MARCHF4: variants seen among roughly 807,000 people sequenced by gnomAD.
MARCHF4 encodes membrane associated ring-CH-type finger 4.
In MARCHF4, 14 loss-of-function variants were observed where a neutral mutation model predicts 43.9. The observed-to-expected ratio is 0.32, with a 90% CI of 0.21 to 0.50. MARCHF4 has a LOEUF of 0.50. Ranked by LOEUF, MARCHF4 falls within the 20% of genes least tolerant of loss-of-function variation. MARCHF4 has a pLI of 0.98. For missense variants in MARCHF4, 468 were observed against 536.7 expected (o/e 0.87, Z 1.27); for synonymous variants, 226 against 213.3 (o/e 1.06, Z -0.52).
intron 1 of MARCHF4, among the ~76,000 whole-genome samples, chr2:216,295,444 G>T (rs1691374498): frequency 6.6e-6 from 1 of 152,138 alleles, no homozygotes; most frequent in African/African-American, 2.4e-5. Context: ...ATTTTTTGTA[G>T]AGATGGGGTC....
chr2:216,320,655 CTT>C (rs1691870861), intron 1 of MARCHF4, among the ~76,000 whole-genome samples: 3 of 109,312 alleles, frequency 2.7e-5, no homozygotes, highest in African/African-American at 1.2e-4. Context: ...TTCTTTCTTT[CTT>C]TCTTTCTTTC....
intron 2 of MARCHF4, among the ~76,000 whole-genome samples, chr2:216,282,032 C>A (rs889624784): frequency 1.3e-5 from 2 of 152,084 alleles, no homozygotes; most frequent in African/African-American, 4.8e-5. Flanking sequence ...GAGGCTTGAG[C>A]TGGCTGAAAA....
At chr2:216,347,334 C>T (rs1025231531) in intron 1 of MARCHF4, among the ~76,000 whole-genome samples, 6 of 152,102 alleles carry the variant, frequency 3.9e-5, no homozygotes, top group South Asian at 2.1e-4. Flanking sequence ...AATCACTCTG[C>T]AATTCTGTAG....
At chr2:216,347,879 G>T (rs529891434) in intron 1 of MARCHF4, among the ~76,000 whole-genome samples, 1 of 145,802 alleles carries the variant, frequency 6.9e-6, no homozygotes, top group Non-Finnish European at 1.5e-5. Flanking sequence ...TTACCAAAAA[G>T]TTGCAAAAAT....
At chr2:216,284,775 A>G (rs1691192964) in intron 1 of MARCHF4, among the ~76,000 whole-genome samples, 1 of 152,104 alleles carries the variant, frequency 6.6e-6, no homozygotes, top group African/African-American at 2.4e-5. Flanking sequence ...CTGGAATCAT[A>G]TTTCTTTTCC....
chr2:216,348,129 C>T (rs536673034), intron 1 of MARCHF4, among the ~76,000 whole-genome samples: 3 of 151,470 alleles, frequency 2.0e-5, no homozygotes, highest in African/African-American at 7.3e-5. Context: ...CCTCCGCCTC[C>T]CCGGTTCAAG....
intron 3 of MARCHF4, among the ~76,000 whole-genome samples, chr2:216,276,789 G>A (rs963623174): frequency 3.9e-5 from 6 of 152,110 alleles, no homozygotes; most frequent in Non-Finnish European, 5.9e-5. Flanking sequence ...TCTGACCAGC[G>A]CTTCCCCACC....
rs1351448473 is a variant in MARCHF4 at position 216,306,158 on chromosome 2, T to TTGAAATTATACATGCAAAGTTTTAAC, written c.517-22430_517-22429insGTTAAAACTTTGCATGTATAATTTCA. The stretch of plus-strand genomic sequence containing the variant: ...TGAAATTATACATGCAAAGTTTTAA[T>TTGAAATTATACATGCAAAGTTTTAAC]TGAAATTTATCTGCATTGATAAACT... On this transcript the variant is annotated intron_variant, in intron 1 of 3. Transcript: ENST00000273067. 2.0e-5 allele frequency among the ~76,000 whole-genome samples: 3 copies of TTGAAATTATACATGCAAAGTTTTAAC among 152,368 alleles called. No individual in the cohort carries two copies. In the East Asian group the frequency reaches 5.8e-4, roughly 29 times the overall value.
chr2:216,337,302 C>T (rs1035090530), intron 1 of MARCHF4, among the ~76,000 whole-genome samples: 11 of 152,104 alleles, frequency 7.2e-5, no homozygotes, highest in African/African-American at 2.4e-4. Context: ...AATGGATCAG[C>T]GGACTGTTAT....
chr2:216,363,807 G>A (rs1018648419), intron 1 of MARCHF4, among the ~76,000 whole-genome samples: 1 of 152,222 alleles, frequency 6.6e-6, no homozygotes, highest in African/African-American at 2.4e-5. Flanking sequence ...ACACAGGACA[G>A]AGACTGTTCT....
chr2:216,341,204 T>C lies in MARCHF4; in HGVS notation c.516+28541A>G, dbSNP rs564997543. On this transcript the variant is annotated intron_variant, in intron 1 of 3. Coordinates refer to ENST00000273067, the MANE Select transcript of MARCHF4 (RefSeq NM_020814.3). ...TGCCTGCTCCCTGCTGGTCCTTCCA[T>C]GTCCTGACTGAGATGGCTGTTCTGT... 2.0e-5 allele frequency among the ~76,000 whole-genome samples: 3 copies of C among 152,220 alleles called. No homozygotes were observed. The East Asian group carries it at 5.8e-4, about 29-fold the overall frequency.
chr2:216,302,044 AC>A (rs1008604242), intron 1 of MARCHF4, among the ~76,000 whole-genome samples: 2 of 152,176 alleles, frequency 1.3e-5, no homozygotes, highest in African/African-American at 4.8e-5. Context: ...CAACAAAAAA[AC>A]GCAAGCAAAA....
In MARCHF4 at chr2:216,283,439, G is replaced by A. The variant is rs1051800687; in HGVS notation, c.672+135C>T. ...CCCCTCCTGCCCCACGCCGCCCACCGTGCTTGCCCACCCAGCCCATCTTCT... is the reference window on the plus strand; with the variant it reads ...CCCCTCCTGCCCCACGCCGCCCACCATGCTTGCCCACCCAGCCCATCTTCT... On this transcript the variant is annotated intron_variant, in intron 2 of 3. Coordinates refer to ENST00000273067, the MANE Select transcript of MARCHF4 (RefSeq NM_020814.3). 182 of 1,034,968 alleles carry A rather than the reference G, an allele frequency of 1.8e-4. 1 individual carries two copies. The East Asian group carries it at 2.8e-3, about 16-fold the overall frequency. 64.1% of individuals were successfully genotyped at this position (1,034,968 alleles called of 1,614,324 possible). A position where few individuals can be genotyped will look rare whatever the true frequency, so the allele number is the denominator to read the frequency against.
intron 3 of MARCHF4, among the ~76,000 whole-genome samples, chr2:216,276,979 T>C (rs188482165): frequency 1.0e-3 from 159 of 152,318 alleles, no homozygotes; most frequent in Admixed American, 1.8e-3. Flanking sequence ...CAATTTTTTT[T>C]TTCTAAAACA....
intron 1 of MARCHF4, among the ~76,000 whole-genome samples, chr2:216,366,905 C>T (rs1046963099): frequency 6.6e-6 from 1 of 152,152 alleles, no homozygotes; most frequent in Admixed American, 6.5e-5. Context: ...GGAACAGCAA[C>T]GGGCACACTG....
chr2:216,288,829 T>G (rs1371971943), intron 1 of MARCHF4, among the ~76,000 whole-genome samples: 2 of 152,076 alleles, frequency 1.3e-5, no homozygotes, highest in Non-Finnish European at 2.9e-5. Context: ...CTAAGACAAT[T>G]AAGAAGCAGC....
intron 1 of MARCHF4, among the ~76,000 whole-genome samples, chr2:216,354,097 G>A (rs1263389899): frequency 5.3e-5 from 8 of 152,166 alleles, no homozygotes. Flanking sequence ...ATTACAGAAA[G>A]GTCATTAGGA....
At chr2:216,354,261 G>A (rs1559106347) in intron 1 of MARCHF4, among the ~76,000 whole-genome samples, 3 of 152,326 alleles carry the variant, frequency 2.0e-5, no homozygotes, top group East Asian at 3.9e-4. Flanking sequence ...GGCTGAGTAG[G>A]AAGGAACACA....
chr2:216,283,928 C>T (rs1205310222), intron 1 of MARCHF4, among the ~76,000 whole-genome samples, 199 bp from the exon 2 acceptor site: 1 of 151,926 alleles, frequency 6.6e-6, no homozygotes, highest in African/African-American at 2.4e-5. Flanking sequence ...TTGGTCAGCA[C>T]AACAAACGGC....
Sources: gnomAD v4.1 joint callset for allele counts (sites outside exome capture counted in the v4.1 genomes callset) on GRCh38, gnomAD v4.1.1 for gene constraint, MANE v1.5 for transcripts, NCBI Gene and HGNC (gene_info 2026-07-23, HGNC 2026-07-21) for gene names.